The following YPEL2 variants were observed in gnomAD, a reference collection of about 807,000 sequenced individuals.
The protein encoded by YPEL2 is protein yippee-like 2.
In YPEL2, 2 loss-of-function variants were observed where a neutral mutation model predicts 19.1. That is an observed-to-expected ratio of 0.10 (90% confidence interval 0.04 to 0.33). The LOEUF (loss-of-function observed/expected upper bound fraction) is 0.33, where lower values mean the gene tolerates loss of function less well. Among genes scored for constraint, YPEL2 ranks in the 10% least tolerant of loss-of-function variants. The pLI is 1.00. For missense variants in YPEL2, 66 were observed against 140.7 expected (o/e 0.47, Z 2.68); for synonymous variants, 52 against 50.0 (o/e 1.04, Z -0.17).
intron 2 of YPEL2, among the ~76,000 whole-genome samples, chr17:59,375,062 A>C (rs1355098111): frequency 1.3e-5 from 2 of 152,226 alleles, no homozygotes; most frequent in African/African-American, 4.8e-5. Flanking sequence ...TGGCATTGTC[A>C]GAGTGATTGG....
At chr17:59,376,356 TTAC>T (rs1486040041) in intron 2 of YPEL2, among the ~76,000 whole-genome samples, 1 of 152,140 alleles carries the variant, frequency 6.6e-6, no homozygotes, top group East Asian at 1.9e-4. Context: ...AGTAGCTGGA[TTAC>T]AGGCACCCGC....
chr17:59,393,614 A>G (rs2048019929), intron 4 of YPEL2, among the ~76,000 whole-genome samples: 1 of 147,264 alleles, frequency 6.8e-6, no homozygotes, highest in Admixed American at 6.8e-5. Context: ...CAGCAGATAA[A>G]CAAGTGAACA....
At chr17:59,383,611 TATATATATATATATATATATA>T in intron 2 of YPEL2, among the ~76,000 whole-genome samples, 1 of 15,778 alleles carries the variant, frequency 6.3e-5, no homozygotes, top group Non-Finnish European at 1.1e-4. Flanking sequence ...AAAAAAAAAA[TATATATATATATATATATATA>T]TATATATATA....
At chr17:59,339,167 TGG>T (rs1179076383) in intron 1 of YPEL2, among the ~76,000 whole-genome samples, 1 of 146,910 alleles carries the variant, frequency 6.8e-6, no homozygotes, top group African/African-American at 2.5e-5. Flanking sequence ...CTTTGTCTGT[TGG>T]GGGTCCCTCC....
chr17:59,395,004 A>G (rs534077469), intron 4 of YPEL2, among the ~76,000 whole-genome samples: 2 of 152,330 alleles, frequency 1.3e-5, no homozygotes, highest in East Asian at 3.9e-4. Flanking sequence ...CAGGAGAATC[A>G]GGCAGGGAGG....
chr17:59,388,195 C>G (rs918797376), intron 2 of YPEL2, 132 bp from the exon 3 acceptor site: 3 of 860,516 alleles, frequency 3.5e-6, no homozygotes, highest in Non-Finnish European at 6.0e-6. Flanking sequence ...CCAGCGGGAC[C>G]GTTAACTGGC....
chr17:59,394,034 C>T (rs948904872), intron 4 of YPEL2, among the ~76,000 whole-genome samples: 1 of 152,262 alleles, frequency 6.6e-6, no homozygotes, highest in Non-Finnish European at 1.5e-5. Flanking sequence ...TTGGGTACAC[C>T]TTCCAGACGG....
intron 1 of YPEL2, among the ~76,000 whole-genome samples, chr17:59,350,433 G>T (rs1334775524): frequency 2.0e-5 from 3 of 152,122 alleles, no homozygotes; most frequent in Admixed American, 2.0e-4. Flanking sequence ...GAGCAATGGG[G>T]AGCAGAGTGA....
chr17:59,378,363 G>A (rs1357615722), intron 2 of YPEL2, among the ~76,000 whole-genome samples: 1 of 107,402 alleles, frequency 9.3e-6, no homozygotes. Context: ...TTTTTTTTTT[G>A]AGACAAGTTC....
intron 1 of YPEL2, among the ~76,000 whole-genome samples, chr17:59,348,703 T>C (rs1444069360): frequency 6.6e-6 from 1 of 152,226 alleles, no homozygotes; most frequent in East Asian, 1.9e-4. Flanking sequence ...AATTTGCACA[T>C]GTGCCCTGAG....
At chr17:59,359,145 A>G (rs1296656221) in intron 2 of YPEL2, among the ~76,000 whole-genome samples, 1 of 151,836 alleles carries the variant, frequency 6.6e-6, no homozygotes, top group East Asian at 1.9e-4. Context: ...GCTGGTCTCA[A>G]ACTCCTGACC....
At chr17:59,394,122 G>A (rs918800105) in intron 4 of YPEL2, among the ~76,000 whole-genome samples, 5 of 151,106 alleles carry the variant, frequency 3.3e-5, no homozygotes, top group Non-Finnish European at 5.9e-5. Context: ...TCCCGGACGC[G>A]GCAGCTGGCC....
At chr17:59,365,415 C>T (rs1027818543) in intron 2 of YPEL2, among the ~76,000 whole-genome samples, 1 of 152,186 alleles carries the variant, frequency 6.6e-6, no homozygotes, top group Non-Finnish European at 1.5e-5. Flanking sequence ...TGCCTCCTTC[C>T]CTTTTAGTCT....
intron 4 of YPEL2, among the ~76,000 whole-genome samples, chr17:59,390,847 G>T (rs1032318575): frequency 1.4e-4 from 21 of 152,176 alleles, no homozygotes; most frequent in African/African-American, 5.1e-4. Context: ...TGGGATCCAT[G>T]ACTTATTTGT....
At position 59,383,303 on chromosome 17, in the gene YPEL2, A is replaced by G. The variant is rs187999257; in HGVS notation, c.118-5024A>G. On this transcript the variant is annotated intron_variant, in intron 2 of 4. Transcript: ENST00000312655. ...AGTCTATTTAGTCTTACAGTCTTAT[A>G]AATACATAGTCTAGGCCGGGCGTGG... Among the ~76,000 whole-genome samples the G allele has an allele frequency of 2.3e-4, 35 of 152,050 alleles. No homozygotes were observed. In the East Asian group the frequency reaches 6.6e-3, roughly 29 times the overall value.
intron 1 of YPEL2, among the ~76,000 whole-genome samples, chr17:59,334,903 G>A (rs2047691631): frequency 1.3e-5 from 2 of 152,172 alleles, no homozygotes; most frequent in Non-Finnish European, 2.9e-5. Flanking sequence ...CAAGGGATAA[G>A]ATGTCCCAGG....
intron 2 of YPEL2, among the ~76,000 whole-genome samples, chr17:59,378,284 A>G (rs1045183610): frequency 2.7e-5 from 4 of 145,842 alleles, no homozygotes; most frequent in African/African-American, 5.3e-5. Flanking sequence ...CAGTTTGTGT[A>G]GGTCAACAGG....
intron 4 of YPEL2, among the ~76,000 whole-genome samples, chr17:59,390,920 G>T (rs2048004266): frequency 6.6e-6 from 1 of 152,214 alleles, no homozygotes. Flanking sequence ...TACAGAGTTG[G>T]TTTGAGTGTT....
intron 2 of YPEL2, among the ~76,000 whole-genome samples, chr17:59,378,297 G>A (rs941037890): frequency 1.7e-5 from 2 of 119,034 alleles, no homozygotes. Context: ...TCAACAGGAA[G>A]GGAATTTGAA....
Sources: gnomAD v4.1 joint callset for allele counts (sites outside exome capture counted in the v4.1 genomes callset) on GRCh38, gnomAD v4.1.1 for gene constraint, MANE v1.5 for transcripts, NCBI Gene and HGNC (gene_info 2026-07-23, HGNC 2026-07-21) for gene names.